RBPJ: variants seen among roughly 807,000 people sequenced by gnomAD.
RBPJ encodes recombination signal binding protein for immunoglobulin kappa J region.
RBPJ carries 9 observed loss-of-function variants against 67.8 expected under a neutral mutation model. The observed-to-expected ratio is 0.13, with a 90% CI of 0.08 to 0.23. RBPJ has a LOEUF of 0.23. RBPJ is among the 10% of genes least tolerant of loss of function. The pLI is 1.00. For synonymous variants in RBPJ, 198 were observed against 203.3 expected, an observed-to-expected ratio of 0.97 and a Z score of 0.22; for missense variants, 305 against 595.6, an observed-to-expected ratio of 0.51 and a Z score of 5.08.
chr4:26,215,258 A>AGGGC (rs1718659233), intron 1 of RBPJ, among the ~76,000 whole-genome samples: 1 of 84,808 alleles, frequency 1.2e-5, no homozygotes, highest in African/African-American at 5.6e-5. Flanking sequence ...TAAGAAAGAA[A>AGGGC]GGAAGGGAGG....
chr4:26,263,338 T>A (rs1033543034), intron 1 of RBPJ, among the ~76,000 whole-genome samples: 1 of 131,692 alleles, frequency 7.6e-6, no homozygotes, highest in South Asian at 2.8e-4. Context: ...GTGCATCACT[T>A]CCACTTAGAG....
At position 26,430,652 on chromosome 4, in the gene RBPJ, T is replaced by C; in HGVS notation, c.1149-40T>C. 1 of 1,599,882 alleles carries C rather than the reference T, an allele frequency of 6.3e-7. No homozygotes were observed. The highest frequency in any genetic ancestry group is 8.5e-7 in the Non-Finnish European group (1 of 1,170,502). On this transcript the variant is annotated intron_variant, in intron 10 of 10. Transcript: ENST00000355476. This position sits in a 1 kb window ranked among gnomAD's most constrained non-coding sequence, Gnocchi z 4.1. ...GTCTCATTTTTAACATGTACTTTGCTTTTTAAAGTGTTTTTAAGTGATTTC... is the reference window on the plus strand; with the variant it reads ...GTCTCATTTTTAACATGTACTTTGCCTTTTAAAGTGTTTTTAAGTGATTTC...
Position 26,431,208 on chromosome 4 carries a change from A to G in RBPJ, c.*201A>G, listed in dbSNP as rs865794885. 92 of 422,602 alleles carry G rather than the reference A, an allele frequency of 2.2e-4. No homozygotes were observed. Among genetic ancestry groups the G allele is most frequent in the African/African-American group, 1.5e-3 (74 of 48,490 alleles). The allele number at this position is 422,602 out of a possible 1,614,324, so 26.2% of individuals were successfully genotyped here. A position where few individuals can be genotyped will look rare whatever the true frequency, so the allele number is the denominator to read the frequency against. On this transcript the variant is annotated 3_prime_UTR_variant, in exon 11 of 11. Coordinates refer to ENST00000355476, the MANE Select transcript of RBPJ (RefSeq NM_015874.6). ...GTAAAAAAAAAAAAAAAAAAAAAAA[A>G]AAAGAAAAAAAAATCAAAATGTATA... is the stretch of plus-strand genomic sequence containing the variant.
chr4:26,309,851 C>T (rs1204588622), intron 1 of RBPJ, among the ~76,000 whole-genome samples: 1 of 152,120 alleles, frequency 6.6e-6, no homozygotes, highest in African/African-American at 2.4e-5. Flanking sequence ...ATAAAAAGAA[C>T]AAATCTATCA....
intron 1 of RBPJ, among the ~76,000 whole-genome samples, chr4:26,206,400 C>G (rs1453472560): frequency 1.3e-5 from 2 of 152,168 alleles, no homozygotes; most frequent in African/African-American, 2.4e-5. Context: ...CCTCCCCCTC[C>G]CAGGAGCTCA....
At chr4:26,297,569 AT>A (rs1721922695) in intron 1 of RBPJ, among the ~76,000 whole-genome samples, 1 of 152,112 alleles carries the variant, frequency 6.6e-6, no homozygotes, top group African/African-American at 2.4e-5. Context: ...GTAAAATAAT[AT>A]GTCCAAGTGG....
At chr4:26,109,452 CTCTCTCTCTATATATATATATATATA>C in the RBPJ span, among the ~76,000 whole-genome samples, 3 of 24,220 alleles carry the variant, frequency 1.2e-4, no homozygotes, top group East Asian at 1.6e-3. Context: ...CTCTCTCTCT[CTCTCTCTCTATATATATATATATATA>C]TATATATATA....
chr4:26,244,133 ATATATATATGTGTACACATATATG>A (rs1719743562), intron 1 of RBPJ, among the ~76,000 whole-genome samples: 1 of 145,266 alleles, frequency 6.9e-6, no homozygotes, highest in Admixed American at 7.1e-5. Flanking sequence ...TTTAAAATGT[ATATATATATGTGTACACATATATG>A]TATATATATA....
intron 1 of RBPJ, among the ~76,000 whole-genome samples, chr4:26,228,618 C>T (rs994236269): frequency 6.6e-6 from 1 of 152,160 alleles, no homozygotes; most frequent in Non-Finnish European, 1.5e-5. Context: ...ATAGGAAAAA[C>T]ACCACCCAAG....
At chr4:26,323,341 T>C (rs1395703144) in intron 1 of RBPJ, among the ~76,000 whole-genome samples, 1 of 152,200 alleles carries the variant, frequency 6.6e-6, no homozygotes, top group Non-Finnish European at 1.5e-5. Context: ...CTCTGACTTG[T>C]ACCTGTAAGA....
the RBPJ span, among the ~76,000 whole-genome samples, chr4:26,115,639 C>A: frequency 3.3e-5 from 5 of 152,306 alleles, no homozygotes; most frequent in Non-Finnish European, 7.4e-5. Context: ...CCGCCTCGGC[C>A]TCCCAAAGTG....
chr4:26,300,232 G>GGT (rs1416786959), intron 1 of RBPJ, among the ~76,000 whole-genome samples: 1 of 151,916 alleles, frequency 6.6e-6, no homozygotes, highest in African/African-American at 2.4e-5. Flanking sequence ...CAGAGCTGGA[G>GGT]GTGTGTGTAT....
upstream of RBPJ, among the ~76,000 whole-genome samples, chr4:26,158,945 T>C (rs5012653): frequency 7.8e-4 from 107 of 136,762 alleles, no homozygotes; most frequent in South Asian, 2.4e-3. Flanking sequence ...CTCTCTCTCT[T>C]TCTCTCTCTC....
chr4:26,243,639 C>A (rs549233365), intron 1 of RBPJ, among the ~76,000 whole-genome samples: 63 of 152,232 alleles, frequency 4.1e-4, no homozygotes, highest in African/African-American at 1.4e-3. Context: ...ATCCAAAGTG[C>A]AAGGTGGGCT....
chr4:26,119,876 A>G, the RBPJ span, among the ~76,000 whole-genome samples: 21 of 152,364 alleles, frequency 1.4e-4, no homozygotes, highest in African/African-American at 4.1e-4. Flanking sequence ...TTCATAGCTT[A>G]TAGATAAAAT....
chr4:26,184,913 G>T (rs1248569689), intron 1 of RBPJ, among the ~76,000 whole-genome samples: 2 of 152,086 alleles, frequency 1.3e-5, no homozygotes, highest in African/African-American at 4.8e-5. Context: ...AGGCCAAGAT[G>T]GGCAGATCAC....
upstream of RBPJ, among the ~76,000 whole-genome samples, chr4:26,315,170 A>ATATG (rs1560257527): frequency 1.1e-5 from 1 of 87,730 alleles, no homozygotes; most frequent in Non-Finnish European, 2.2e-5. Flanking sequence ...AAAAAAAAAT[A>ATATG]TATATATATA....
chr4:26,144,605 T>C, the RBPJ span, among the ~76,000 whole-genome samples: 1 of 152,130 alleles, frequency 6.6e-6, no homozygotes, highest in Non-Finnish European at 1.5e-5. Flanking sequence ...CCTCCAACCT[T>C]CTAAATTCCA....
At chr4:26,413,919 T>C (rs1274864687) in intron 3 of RBPJ, among the ~76,000 whole-genome samples, 1 of 152,204 alleles carries the variant, frequency 6.6e-6, no homozygotes, top group Non-Finnish European at 1.5e-5. Context: ...CAGTCATCTA[T>C]TGAACAATTG....
Sources: allele counts gnomAD v4.1 joint callset (sites outside exome capture counted in the v4.1 genomes callset), GRCh38; gene constraint gnomAD v4.1.1; non-coding constraint Gnocchi (gnomAD v3.1); transcripts MANE v1.5; gene names NCBI Gene and HGNC (gene_info 2026-07-23, HGNC 2026-07-21).